Variants in RAB6A observed in about 807,000 individuals in gnomAD.
RAB6A encodes the protein RAB6A, member RAS oncogene family.
A neutral mutation model predicts 32.3 loss-of-function variants in RAB6A; 8 were observed. The observed-to-expected ratio is 0.25, with a 90% CI of 0.15 to 0.45. The LOEUF is 0.45. RAB6A is among the 20% of genes least tolerant of loss of function. The pLI, the probability that RAB6A is intolerant of heterozygous loss-of-function variation, is 1.00. For synonymous variants in RAB6A, 73 were observed against 82.1 expected, an observed-to-expected ratio of 0.89 and a Z score of 0.60; for missense variants, 104 against 249.4, an observed-to-expected ratio of 0.42 and a Z score of 3.93.
At chr11:73,685,140 G>A (rs192670835) in intron 6 of RAB6A, among the ~76,000 whole-genome samples, 73 of 152,346 alleles carry the variant, frequency 4.8e-4, no homozygotes, top group African/African-American at 1.7e-3. Flanking sequence ...CCACTTAAGT[G>A]ACAGATCATG....
rs1457492475 is a variant in RAB6A at position 73,676,881 on chromosome 11, T to C, written c.*1017A>G. The C allele has an allele frequency of 6.0e-6, 1 of 167,034 alleles. No individual in the cohort carries two copies. Among genetic ancestry groups the C allele is most frequent in the Non-Finnish European group, 1.5e-5 (1 of 68,132 alleles). 10.3% of individuals were successfully genotyped at this position (167,034 alleles called of 1,614,324 possible). ...TTTTGATCGTAGCGCCAAATTTAAA[T>C]TCTTCCACTGGTTCTTCTGGAAGGA... On this transcript the variant is annotated 3_prime_UTR_variant, in exon 8 of 8. Transcript: ENST00000336083.
At chr11:73,723,936 C>T (rs1946178975) in intron 2 of RAB6A, among the ~76,000 whole-genome samples, 1 of 152,174 alleles carries the variant, frequency 6.6e-6, no homozygotes, top group African/African-American at 2.4e-5. Flanking sequence ...CAGTACCCTG[C>T]ATTTCAATAT....
At chr11:73,727,637 A>C (rs967960508) in intron 2 of RAB6A, among the ~76,000 whole-genome samples, 5 of 152,234 alleles carry the variant, frequency 3.3e-5, no homozygotes. Flanking sequence ...TTCCTAAAAA[A>C]GAAATGCCCA....
At chr11:73,688,395 T>G (rs1187796706) in intron 6 of RAB6A, among the ~76,000 whole-genome samples, 1 of 152,188 alleles carries the variant, frequency 6.6e-6, no homozygotes, top group Non-Finnish European at 1.5e-5. Context: ...AAGGCTTAGT[T>G]TGCAGTCTCA....
intron 6 of RAB6A, among the ~76,000 whole-genome samples, chr11:73,690,693 A>T (rs1037982278): frequency 8.7e-5 from 10 of 114,944 alleles, no homozygotes; most frequent in Admixed American, 7.2e-4. Flanking sequence ...ACCATGTAAC[A>T]TCTTAAAAAA....
intron 1 of RAB6A, among the ~76,000 whole-genome samples, chr11:73,733,497 C>T (rs1946348290): frequency 6.7e-6 from 1 of 150,298 alleles, no homozygotes; most frequent in East Asian, 2.0e-4. Context: ...TACAGTGAGC[C>T]GAGATCATGC....
chr11:73,735,393 A>C (rs141601949), intron 1 of RAB6A, among the ~76,000 whole-genome samples: 2 of 152,342 alleles, frequency 1.3e-5, no homozygotes, highest in East Asian at 3.9e-4. Context: ...AGGGACTGAA[A>C]AATGCTGGGG....
intron 1 of RAB6A, among the ~76,000 whole-genome samples, chr11:73,749,775 C>T (rs1440681475): frequency 2.0e-5 from 3 of 152,146 alleles, no homozygotes; most frequent in Non-Finnish European, 2.9e-5. Context: ...GCCAGGAAGA[C>T]TGCTTAAGCC....
intron 1 of RAB6A, among the ~76,000 whole-genome samples, chr11:73,739,931 C>A (rs1946467724): frequency 6.6e-6 from 1 of 151,958 alleles, no homozygotes. Flanking sequence ...TGGTGGCACA[C>A]ACCTGTAGTC....
chr11:73,730,619 T>A (rs981958433), intron 2 of RAB6A, 146 bp downstream of exon 2: 1 of 643,448 alleles, frequency 1.6e-6, no homozygotes, highest in African/African-American at 1.9e-5. Context: ...GACAAAATCA[T>A]TTACACATTG....
chr11:73,760,386 G>A (rs574758438), intron 1 of RAB6A, among the ~76,000 whole-genome samples, 180 bp downstream of exon 1: 12 of 152,228 alleles, frequency 7.9e-5, no homozygotes, highest in African/African-American at 2.9e-4. Flanking sequence ...GGGGAACAGG[G>A]TAAAAACTCG....
intron 5 of RAB6A, among the ~76,000 whole-genome samples, chr11:73,714,592 G>T (rs576932190): frequency 2.0e-5 from 3 of 151,552 alleles, no homozygotes; most frequent in Non-Finnish European, 4.4e-5. Flanking sequence ...AGCCTGGGAG[G>T]CAGAGGTTGC....
intron 6 of RAB6A, among the ~76,000 whole-genome samples, chr11:73,687,130 G>C (rs1945471251): frequency 6.6e-6 from 1 of 151,954 alleles, no homozygotes; most frequent in African/African-American, 2.4e-5. Flanking sequence ...ACACACAAAG[G>C]AACAAATATT....
chr11:73,723,549 G>A (rs1369014448), intron 2 of RAB6A, among the ~76,000 whole-genome samples: 2 of 151,930 alleles, frequency 1.3e-5, no homozygotes, highest in South Asian at 2.1e-4. Context: ...GGCTGGTCTC[G>A]AACTCCTGAC....
intron 2 of RAB6A, among the ~76,000 whole-genome samples, chr11:73,726,230 A>C (rs1423697641): frequency 6.7e-6 from 1 of 149,932 alleles, no homozygotes; most frequent in African/African-American, 2.5e-5. Context: ...GGTTGTAGTA[A>C]GCCAAGATTG....
chr11:73,738,632 G>C (rs1946439835), intron 1 of RAB6A, among the ~76,000 whole-genome samples: 1 of 152,110 alleles, frequency 6.6e-6, no homozygotes, highest in Admixed American at 6.6e-5. Flanking sequence ...CCTGGCAACA[G>C]GGTAAGATCC....
intron 6 of RAB6A, among the ~76,000 whole-genome samples, chr11:73,681,539 T>G (rs897618230): frequency 1.1e-4 from 17 of 152,146 alleles, no homozygotes; most frequent in African/African-American, 3.9e-4. Flanking sequence ...CAGGCCAGAC[T>G]TGGTGGCTCA....
chr11:73,728,153 C>G (rs2134967334), intron 2 of RAB6A, among the ~76,000 whole-genome samples: 1 of 152,186 alleles, frequency 6.6e-6, no homozygotes, highest in East Asian at 1.9e-4. Context: ...CTTAAGATTA[C>G]TAATTTATTC....
chr11:73,688,414 G>A (rs1048917373), intron 6 of RAB6A, among the ~76,000 whole-genome samples: 4 of 152,150 alleles, frequency 2.6e-5, no homozygotes, highest in East Asian at 1.9e-4. Context: ...CAACAGCGGG[G>A]TAGACTCCCA....
Sources: allele counts gnomAD v4.1 joint callset (sites outside exome capture counted in the v4.1 genomes callset), GRCh38; gene constraint gnomAD v4.1.1; transcripts MANE v1.5; gene names NCBI Gene and HGNC (gene_info 2026-07-23, HGNC 2026-07-21).